ATF7: variants seen among roughly 807,000 people sequenced by gnomAD.
The protein encoded by ATF7 is activating transcription factor 7.
Under a neutral mutation model 50.4 loss-of-function variants are expected in ATF7, and 10 were observed. The observed-to-expected ratio is 0.20, with a 90% confidence interval of 0.12 to 0.34. The LOEUF is 0.34. Ranked by LOEUF, ATF7 falls within the 10% of genes least tolerant of loss-of-function variation. ATF7 has a pLI of 1.00. For missense variants in ATF7, 465 were observed against 613.9 expected (o/e 0.76, Z 2.56); for synonymous variants, 201 against 226.4 (o/e 0.89, Z 1.01).
At chr12:53,615,700 T>C (rs1944091908) in intron 1 of ATF7, among the ~76,000 whole-genome samples, 1 of 151,984 alleles carries the variant, frequency 6.6e-6, no homozygotes, top group South Asian at 2.1e-4. Flanking sequence ...AGCAAAATCC[T>C]TTCTCTGCAA....
At chr12:53,564,722 G>A (rs1941347004) in intron 2 of ATF7, among the ~76,000 whole-genome samples, 1 of 152,188 alleles carries the variant, frequency 6.6e-6, no homozygotes, top group Non-Finnish European at 1.5e-5. Flanking sequence ...CTGAGTTGTT[G>A]GGTCTTCATC....
At chr12:53,622,075 C>T (rs1006723708) in intron 1 of ATF7, among the ~76,000 whole-genome samples, 1 of 151,670 alleles carries the variant, frequency 6.6e-6, no homozygotes, top group African/African-American at 2.4e-5. Flanking sequence ...CCGAGGTAGG[C>T]GGATCACTTG....
chr12:53,525,565 GTTA>G (rs1399182397), intron 9 of ATF7, among the ~76,000 whole-genome samples: 1 of 152,176 alleles, frequency 6.6e-6, no homozygotes, highest in Non-Finnish European at 1.5e-5. Flanking sequence ...TGACATATGA[GTTA>G]TTATGGGGAG....
intron 2 of ATF7, among the ~76,000 whole-genome samples, chr12:53,565,201 G>A (rs1233029824): frequency 2.0e-5 from 3 of 152,016 alleles, no homozygotes; most frequent in Non-Finnish European, 4.4e-5. Flanking sequence ...AAAGGAAACT[G>A]AGCTCCAAAG....
intron 11 of ATF7, among the ~76,000 whole-genome samples, chr12:53,518,443 G>A (rs971542621): frequency 1.3e-5 from 2 of 152,174 alleles, no homozygotes; most frequent in Non-Finnish European, 2.9e-5. Flanking sequence ...GTAACTCCAT[G>A]TTGCTCATTA....
chr12:53,612,479 G>T (rs1943927339), intron 1 of ATF7, among the ~76,000 whole-genome samples: 3 of 152,052 alleles, frequency 2.0e-5, no homozygotes, highest in African/African-American at 7.2e-5. Context: ...TCACCACATT[G>T]GCCAGAATGG....
chr12:53,624,914 T>C (rs1195291847), intron 1 of ATF7, among the ~76,000 whole-genome samples: 6 of 152,208 alleles, frequency 3.9e-5, no homozygotes, highest in African/African-American at 1.2e-4. Context: ...CATTTTAGTA[T>C]ATTTCTGCTT....
chr12:53,587,849 T>A (rs1346884655), intron 2 of ATF7, among the ~76,000 whole-genome samples: 60 of 53,844 alleles, frequency 1.1e-3, no homozygotes, highest in Middle Eastern at 0.015. Flanking sequence ...ATATATTTTT[T>A]TTTTTTTTTC....
chr12:53,576,153 T>C (rs1441183711), intron 2 of ATF7: 1 of 152,632 alleles, frequency 6.6e-6, no homozygotes, highest in African/African-American at 2.4e-5. Flanking sequence ...AACTTGTTTA[T>C]GGATATATCA....
At chr12:53,566,202 C>T (rs1163532576) in intron 2 of ATF7, among the ~76,000 whole-genome samples, 1 of 152,258 alleles carries the variant, frequency 6.6e-6, no homozygotes, top group South Asian at 2.1e-4. Context: ...CAAAGTATAT[C>T]AGCTATAAAC....
intron 4 of ATF7, among the ~76,000 whole-genome samples, chr12:53,541,361 T>C (rs962222409): frequency 2.0e-5 from 3 of 152,186 alleles, no homozygotes; most frequent in Non-Finnish European, 4.4e-5. Flanking sequence ...GATGTTGGAA[T>C]CTTTTATGAT....
In ATF7 at chr12:53,543,458, T is replaced by C. The variant is rs778913501; in HGVS notation, c.146-10A>G. On this transcript the variant is annotated splice_polypyrimidine_tract_variant and intron_variant, in intron 3 of 11. Transcript: ENST00000420353. ...GGAGTAGGCGTTTGATCTGTAGACA[T>C]GAAAGAAAAGGAAACTGTTTTAGTT... 86 of 1,566,328 alleles carry C rather than the reference T, an allele frequency of 5.5e-5. No homozygotes were observed. The highest frequency in any genetic ancestry group is 7.0e-5 in the Non-Finnish European group (81 of 1,156,178).
intron 1 of ATF7, among the ~76,000 whole-genome samples, chr12:53,602,793 G>T (rs80257594): frequency 0.039 from 5,983 of 152,132 alleles, 358 homozygotes; most frequent in African/African-American, 0.13. Flanking sequence ...CTGGTTGGTT[G>T]GTTTGTTTTA....
chr12:53,598,242 T>C (rs1350390896), intron 2 of ATF7, among the ~76,000 whole-genome samples: 3 of 152,216 alleles, frequency 2.0e-5, no homozygotes, highest in Non-Finnish European at 2.9e-5. Context: ...GGGAGAAACT[T>C]GGAAGAGACT....
In ATF7 at chr12:53,524,535, AT is replaced by A. The variant is rs747858025; in HGVS notation, c.1125+28del. 32 of 1,609,398 alleles carry A rather than the reference AT, an allele frequency of 2.0e-5. No homozygotes were observed. The highest frequency in any genetic ancestry group is 2.6e-5 in the Non-Finnish European group (31 of 1,178,870). ...CATCCCACTTTCTGGATTTTCAACA[AT>A]TCCAATAAGCATCCAGGACCCACTC... On this transcript the variant is annotated intron_variant, in intron 10 of 11. Transcript: ENST00000420353. The surrounding 1 kb of genome is among the most constrained non-coding windows in gnomAD (Gnocchi z 4.6).
At chr12:53,549,274 G>A (rs1302911481) in intron 3 of ATF7, among the ~76,000 whole-genome samples, 2 of 128,700 alleles carry the variant, frequency 1.6e-5, no homozygotes, top group Non-Finnish European at 3.1e-5. Flanking sequence ...GCGACAGAAC[G>A]AGACTCCGTC....
intron 3 of ATF7, among the ~76,000 whole-genome samples, chr12:53,549,718 T>TGGGA (rs1940203299): frequency 6.6e-6 from 1 of 152,172 alleles, no homozygotes; most frequent in Non-Finnish European, 1.5e-5. Flanking sequence ...GCCGAGTAGC[T>TGGGA]GGGACTACAG....
intron 3 of ATF7, among the ~76,000 whole-genome samples, chr12:53,547,534 C>T (rs1453756851): frequency 1.3e-5 from 2 of 151,798 alleles, no homozygotes; most frequent in Non-Finnish European, 2.9e-5. Flanking sequence ...GATCTGCCCA[C>T]CTCAGCCTCC....
chr12:53,562,344 C>T (rs1592876108), intron 2 of ATF7, among the ~76,000 whole-genome samples: 1 of 152,242 alleles, frequency 6.6e-6, no homozygotes, highest in Middle Eastern at 3.4e-3. Context: ...ACCTACAAAA[C>T]TTTTGCCCAT....
Sources: gnomAD v4.1 joint callset for allele counts (sites outside exome capture counted in the v4.1 genomes callset) on GRCh38, gnomAD v4.1.1 for gene constraint, Gnocchi (gnomAD v3.1) non-coding constraint, MANE v1.5 for transcripts, NCBI Gene and HGNC (gene_info 2026-07-23, HGNC 2026-07-21) for gene names.